The following CAPS2 variants were observed in gnomAD, a reference collection of about 807,000 sequenced individuals.
CAPS2 encodes the protein calcyphosine 2.
CAPS2 carries 98 observed loss-of-function variants against 86.5 expected under a neutral mutation model. The ratio of observed to expected loss-of-function variants is 1.13; its 90% confidence interval spans 0.96 to 1.34. The LOEUF (loss-of-function observed/expected upper bound fraction) is 1.34, where lower values mean the gene tolerates loss of function less well. CAPS2 is among the 40% of genes most tolerant of loss of function. The pLI is 0.00. For synonymous variants in CAPS2, 210 were observed against 225.1 expected (o/e 0.93, Z 0.60); for missense variants, 729 against 686.8 (o/e 1.06, Z -0.69).
intron 1 of CAPS2, chr12:75,343,789 G>T (rs757878744): frequency 1.9e-6 from 3 of 1,612,868 alleles, no homozygotes; most frequent in Non-Finnish European, 1.7e-6. Flanking sequence ...TAAATGCTAT[G>T]CAGCTTTTGA....
chr12:75,321,297 T>G (rs767306096), intron 5 of CAPS2, 103 bp downstream of exon 5: 7 of 709,188 alleles, frequency 9.9e-6, no homozygotes, highest in Non-Finnish European at 1.6e-5. Flanking sequence ...GCTATTATAC[T>G]TATTATGACT....
chr12:75,309,803 A>G (rs1428934855), intron 7 of CAPS2, among the ~76,000 whole-genome samples: 3 of 152,330 alleles, frequency 2.0e-5, no homozygotes, highest in African/African-American at 4.8e-5. Context: ...CAAATGAAAA[A>G]GGCTGGCATT....
intron 15 of CAPS2, among the ~76,000 whole-genome samples, chr12:75,283,659 C>T (rs1305408809): frequency 6.6e-6 from 1 of 151,748 alleles, no homozygotes; most frequent in Non-Finnish European, 1.5e-5. Context: ...ACTAAAAATA[C>T]AAAAATTAGC....
intron 13 of CAPS2, among the ~76,000 whole-genome samples, chr12:75,291,416 T>C (rs1159528118): frequency 7.2e-6 from 1 of 138,846 alleles, no homozygotes; most frequent in African/African-American, 2.7e-5. Context: ...ATTCATATAA[T>C]ACTAGTTAGG....
chr12:75,349,542 G>A (rs1429094980), intron 1 of CAPS2, among the ~76,000 whole-genome samples: 3 of 152,094 alleles, frequency 2.0e-5, no homozygotes, highest in African/African-American at 7.2e-5. Flanking sequence ...AACTTACACA[G>A]ATGTTATAAT....
intron 7 of CAPS2, chr12:75,306,229 T>C: frequency 1.5e-6 from 1 of 662,464 alleles, no homozygotes; most frequent in Middle Eastern, 4.0e-4. Flanking sequence ...GCCGCGAAAT[T>C]ACGAACATGC....
intron 1 of CAPS2, among the ~76,000 whole-genome samples, chr12:75,364,109 A>C (rs138686639): frequency 6.6e-6 from 1 of 152,334 alleles, no homozygotes; most frequent in East Asian, 1.9e-4. Context: ...TAGATTGTAA[A>C]TGTTTCTTAT....
intron 1 of CAPS2, among the ~76,000 whole-genome samples, chr12:75,342,351 G>T (rs2042177930): frequency 6.6e-6 from 1 of 152,072 alleles, no homozygotes. Flanking sequence ...TCATACTATT[G>T]TTACAAAAAA....
chr12:75,377,235 C>T (rs1167993208), intron 1 of CAPS2, among the ~76,000 whole-genome samples: 1 of 152,252 alleles, frequency 6.6e-6, no homozygotes, highest in East Asian at 1.9e-4. Flanking sequence ...TAAAGAAATC[C>T]ATCCTTTAAA....
downstream of CAPS2, chr12:75,276,160 A>T (rs1163559160): frequency 6.6e-7 from 1 of 1,507,414 alleles, no homozygotes; most frequent in African/African-American, 1.4e-5. Flanking sequence ...TGCTTGGCTT[A>T]TTTTATATAT....
chr12:75,295,905 GA>G lies in CAPS2; in HGVS notation c.1045-2539del, dbSNP rs1379367968. Among the ~76,000 whole-genome samples, 3 of 151,848 alleles carry G rather than the reference GA, an allele frequency of 2.0e-5. No homozygotes were observed. In the East Asian group the frequency reaches 5.8e-4, roughly 29 times the overall value. On this transcript the variant is annotated intron_variant, in intron 11 of 16. Transcript: ENST00000393284. ...GAAATTAGTGATCTTCTGATAGTAT[GA>G]AAAACAAAACAAAAACCTAAAAGAT...
intron 1 of CAPS2, among the ~76,000 whole-genome samples, chr12:75,379,150 TTTTC>T (rs1391273511): frequency 2.4e-4 from 37 of 152,340 alleles, no homozygotes; most frequent in African/African-American, 7.7e-4. Flanking sequence ...GAGCATATGA[TTTTC>T]TTTAAGTCAG....
chr12:75,291,567 GTATATATATATATATATA>G (rs66622366), intron 13 of CAPS2, among the ~76,000 whole-genome samples, 159 bp downstream of exon 13: 1,260 of 27,732 alleles, frequency 0.045, 61 homozygotes, highest in African/African-American at 0.13. Flanking sequence ...ATTTTTAAAA[GTATATATATATATATATA>G]TATATATATA....
rs1436076098 is a variant in CAPS2, at chr12:75,305,705, G to A, written c.660-829C>T. 9.0e-6 allele frequency: 6 copies of A among 667,016 alleles called. No homozygotes were observed. The East Asian group carries it at 1.0e-4, about 12-fold the overall frequency. 41.3% of individuals were successfully genotyped at this position (667,016 alleles called of 1,614,324 possible). On this transcript the variant is annotated intron_variant, in intron 7 of 16. Coordinates refer to ENST00000393284, the Ensembl canonical transcript of CAPS2. The stretch of plus-strand genomic sequence containing the variant: ...TGGCCCGGCACAGCTGCTGCAGAAG[G>A]CGCACGACGAGCTCGTGTGGTACAT...
At chr12:75,305,867 C>T (rs544434701) in intron 7 of CAPS2, 15 of 768,790 alleles carry the variant, frequency 2.0e-5, no homozygotes, top group Middle Eastern at 2.5e-4. Context: ...CGGGATGCAC[C>T]GCAGAGGCTG....
At chr12:75,345,224 T>A (rs985124847) in intron 1 of CAPS2, among the ~76,000 whole-genome samples, 1 of 152,166 alleles carries the variant, frequency 6.6e-6, no homozygotes, top group Non-Finnish European at 1.5e-5. Flanking sequence ...ATCTAGAAAC[T>A]GTCTCCAGGC....
intron 1 of CAPS2, chr12:75,367,071 G>C (rs1239138675): frequency 5.7e-6 from 4 of 698,432 alleles, no homozygotes; most frequent in African/African-American, 1.8e-5. Context: ...AAAATGCACA[G>C]ACAAGCCAAC....
chr12:75,358,022 A>G (rs946515033), intron 1 of CAPS2, among the ~76,000 whole-genome samples: 3 of 151,626 alleles, frequency 2.0e-5, no homozygotes, highest in Non-Finnish European at 4.4e-5. Context: ...AAATAAAATA[A>G]CAAACAGAAA....
At chr12:75,355,547 A>G (rs2043100753) in intron 1 of CAPS2, among the ~76,000 whole-genome samples, 1 of 152,208 alleles carries the variant, frequency 6.6e-6, no homozygotes, top group Non-Finnish European at 1.5e-5. Flanking sequence ...ACAATAGTCA[A>G]ACCATTGTAG....
Sources: allele counts gnomAD v4.1 joint callset (sites outside exome capture counted in the v4.1 genomes callset), GRCh38; gene constraint gnomAD v4.1.1; transcripts MANE v1.5; gene names NCBI Gene and HGNC (gene_info 2026-07-23, HGNC 2026-07-21).